PLXNA4: variants seen among roughly 807,000 people sequenced by gnomAD.
The protein encoded by PLXNA4 is plexin-A4.
A neutral mutation model predicts 191.8 loss-of-function variants in PLXNA4; 44 were observed. The ratio of observed to expected loss-of-function variants is 0.23; its 90% CI spans 0.18 to 0.29. PLXNA4 has a LOEUF of 0.29. PLXNA4 is among the 10% of genes least tolerant of loss of function. The pLI is 1.00. For missense variants in PLXNA4, 1,800 were observed against 2,488.8 expected (o/e 0.72, Z 5.89); for synonymous variants, 1,082 against 1,009.5 (o/e 1.07, Z -1.36).
chr7:132,505,475 A>C (rs994282584), intron 2 of PLXNA4, among the ~76,000 whole-genome samples: 1 of 131,290 alleles, frequency 7.6e-6, no homozygotes. Flanking sequence ...TCTCAAAAGA[A>C]CTTGTTGTTG....
intron 2 of PLXNA4, among the ~76,000 whole-genome samples, chr7:132,634,212 G>A (rs569548378): frequency 1.7e-4 from 26 of 152,168 alleles, no homozygotes; most frequent in Admixed American, 1.7e-3. Context: ...AATGGAGGTT[G>A]CTAGGTTGAG....
chr7:132,268,426 CTG>C (rs1292323244), intron 4 of PLXNA4, among the ~76,000 whole-genome samples: 4 of 152,336 alleles, frequency 2.6e-5, no homozygotes, highest in African/African-American at 9.6e-5. Flanking sequence ...TCTGCCCACT[CTG>C]TGCAATTCTT....
chr7:132,167,974 C>T (rs992841433), intron 22 of PLXNA4, among the ~76,000 whole-genome samples: 3 of 152,154 alleles, frequency 2.0e-5, no homozygotes, highest in African/African-American at 7.2e-5. Context: ...AGAGGATGGT[C>T]TAAGTGACCT....
At chr7:132,614,399 C>T (rs151109731) in intron 2 of PLXNA4, among the ~76,000 whole-genome samples, 7 of 152,298 alleles carry the variant, frequency 4.6e-5, no homozygotes, top group Non-Finnish European at 7.4e-5. Context: ...AGTGCCATAG[C>T]GGGAGTGGGT....
chr7:132,537,883 C>G (rs763268755), intron 1 of PLXNA4, among the ~76,000 whole-genome samples: 12 of 152,176 alleles, frequency 7.9e-5, no homozygotes, highest in Non-Finnish European at 1.3e-4. Flanking sequence ...GCAGTGGGGG[C>G]CACCACAACC....
At chr7:132,274,266 G>GTATATA (rs548956261) in intron 4 of PLXNA4, among the ~76,000 whole-genome samples, 2 of 147,106 alleles carry the variant, frequency 1.4e-5, no homozygotes, top group African/African-American at 5.0e-5. Flanking sequence ...ACGCTAATAT[G>GTATATA]TATATATATA....
At chr7:132,594,591 G>A (rs150824567) in intron 2 of PLXNA4, among the ~76,000 whole-genome samples, 4 of 152,292 alleles carry the variant, frequency 2.6e-5, no homozygotes, top group East Asian at 1.9e-4. Context: ...CCGCAACTTC[G>A]TGGCAGCACA....
chr7:132,508,175 G>A lies in PLXNA4; in HGVS notation c.519C>T (p.Ile173=), dbSNP rs895249150. The A allele has an allele frequency of 3.7e-6, 6 of 1,614,018 alleles. No individual in the cohort carries two copies. Among genetic ancestry groups the A allele is most frequent in the South Asian group, 1.1e-5 (1 of 91,086 alleles). ...TGTCATCCAGGTTGCTGTAGGAGAC[G>A]ATCACTCCAAAGACTGAGCCGCTCT... ...VNESGSVFGV[I]VSYSNLDDKL... Residue 173 remains isoleucine (I), a synonymous_variant, in exon 2 of 32, where the codon ATC becomes ATT. Transcript: ENST00000321063. This position sits in a 1 kb window ranked among gnomAD's most constrained non-coding sequence, Gnocchi z 4.4.
chr7:132,253,799 C>A (rs541638031), intron 4 of PLXNA4, among the ~76,000 whole-genome samples: 1 of 152,304 alleles, frequency 6.6e-6, no homozygotes, highest in Non-Finnish European at 1.5e-5. Flanking sequence ...ACACCAATTC[C>A]ACCCAACATG....
intron 1 of PLXNA4, among the ~76,000 whole-genome samples, chr7:132,562,972 C>CCCTCCTCCTCCTCTT (rs1801340826): frequency 2.4e-5 from 1 of 41,740 alleles, no homozygotes; most frequent in Non-Finnish European, 4.4e-5. Context: ...CTCCTCCTCT[C>CCCTCCTCCTCCTCTT]CCTCCTCCTC....
chr7:132,618,077 T>C (rs1803190409), intron 2 of PLXNA4, among the ~76,000 whole-genome samples: 1 of 152,154 alleles, frequency 6.6e-6, no homozygotes, highest in South Asian at 2.1e-4. Context: ...TCATTCCTGC[T>C]CAGGTCTCAT....
intron 3 of PLXNA4, among the ~76,000 whole-genome samples, chr7:132,348,716 C>A (rs928823855): frequency 6.6e-5 from 10 of 152,166 alleles, no homozygotes; most frequent in African/African-American, 9.7e-5. Flanking sequence ...CAACCCCAGT[C>A]CCTGGGGCCA....
intron 1 of PLXNA4, among the ~76,000 whole-genome samples, chr7:132,528,455 C>T (rs1001598737): frequency 6.6e-6 from 1 of 152,196 alleles, no homozygotes; most frequent in African/African-American, 2.4e-5. Context: ...TTGGAATAAG[C>T]CAATGATTCC....
At chr7:132,602,012 G>T (rs902142242) in intron 2 of PLXNA4, among the ~76,000 whole-genome samples, 1 of 152,098 alleles carries the variant, frequency 6.6e-6, no homozygotes, top group Admixed American at 6.5e-5. Flanking sequence ...AATCAATGAG[G>T]CCCAGTCCCA....
At chr7:132,436,881 C>T (rs1416782499) in intron 3 of PLXNA4, among the ~76,000 whole-genome samples, 2 of 152,202 alleles carry the variant, frequency 1.3e-5, no homozygotes, top group African/African-American at 4.8e-5. Flanking sequence ...CCACTCAATG[C>T]AGGCTGCTTC....
rs565936808 is a variant in PLXNA4 at position 132,469,925 on chromosome 7, C to T, written c.1371+19367G>A. Reference sequence around the variant, plus strand: ...AAACAACCAAGGTCGGTGGTGACTCCCCTTTGGGAGAGAGGACACCATTTG... The same window carrying T: ...AAACAACCAAGGTCGGTGGTGACTCTCCTTTGGGAGAGAGGACACCATTTG... On this transcript the variant is annotated intron_variant, in intron 3 of 31. Transcript: ENST00000321063. 3.9e-5 allele frequency among the ~76,000 whole-genome samples: 6 copies of T among 152,256 alleles called. No homozygotes were observed. The South Asian group carries it at 1.2e-3, about 32-fold the overall frequency.
At chr7:132,225,762 C>T (rs936827313) in intron 8 of PLXNA4, among the ~76,000 whole-genome samples, 3 of 152,218 alleles carry the variant, frequency 2.0e-5, no homozygotes, top group African/African-American at 4.8e-5. Flanking sequence ...TCTCTCCCTC[C>T]TCAGTTCCCT....
intron 2 of PLXNA4, among the ~76,000 whole-genome samples, chr7:132,637,220 T>C (rs776983077): frequency 2.6e-5 from 4 of 152,180 alleles, no homozygotes; most frequent in Non-Finnish European, 5.9e-5. Flanking sequence ...CCACAATTTG[T>C]ATGCACAATC....
chr7:132,520,101 A>G (rs1234336534), intron 1 of PLXNA4, among the ~76,000 whole-genome samples: 2 of 152,200 alleles, frequency 1.3e-5, no homozygotes, highest in African/African-American at 4.8e-5. Flanking sequence ...ACTGGGTGAC[A>G]AAAAGCTGGT....
Sources: allele counts gnomAD v4.1 joint callset (sites outside exome capture counted in the v4.1 genomes callset), GRCh38; gene constraint gnomAD v4.1.1; non-coding constraint Gnocchi (gnomAD v3.1); transcripts MANE v1.5; gene names NCBI Gene and HGNC (gene_info 2026-07-23, HGNC 2026-07-21).